The following RELN variants were observed in gnomAD, a reference collection of about 807,000 sequenced individuals.
RELN encodes reelin.
RELN carries 108 observed loss-of-function variants against 427.6 expected under a neutral mutation model. The ratio of observed to expected loss-of-function variants is 0.25; its 90% confidence interval spans 0.22 to 0.30. RELN has a LOEUF of 0.30. Ranked by LOEUF, RELN falls within the 10% of genes least tolerant of loss-of-function variation. RELN has a pLI of 1.00. For missense variants in RELN, 3,715 were observed against 4,302.8 expected, an observed-to-expected ratio of 0.86 and a Z score of 3.82; for synonymous variants, 1,524 against 1,513.4, an observed-to-expected ratio of 1.01 and a Z score of -0.16.
Position 103,870,142 on chromosome 7 carries a change from T to C in RELN, c.338-36470A>G, listed in dbSNP as rs571902676. Among the ~76,000 whole-genome samples the C allele has an allele frequency of 6.3e-4, 96 of 152,200 alleles. No individual in the cohort carries two copies. In the Middle Eastern group the frequency reaches 0.01, roughly 16 times the overall value. On this transcript the variant is annotated intron_variant, in intron 2 of 64. Transcript: ENST00000428762. The stretch of plus-strand genomic sequence containing the variant: ...CTCTATATATGCTAAACTCAGACCA[T>C]GCTTTTTTTTGTGCTTTGAACATAT...
At chr7:103,757,169 T>A (rs1791180698) in intron 4 of RELN, among the ~76,000 whole-genome samples, 1 of 152,208 alleles carries the variant, frequency 6.6e-6, no homozygotes, top group South Asian at 2.1e-4. Flanking sequence ...GAGTGAATTA[T>A]TAAGTTCTTA....
chr7:103,522,281 C>A (rs777666055), intron 47 of RELN, 82 bp from the exon 48 acceptor site: 2 of 1,339,508 alleles, frequency 1.5e-6, no homozygotes, highest in East Asian at 2.3e-5. Context: ...GAAGACTACT[C>A]TTTTCCTAGT....
chr7:103,721,932 CTT>C (rs746529468), intron 8 of RELN, among the ~76,000 whole-genome samples: 5 of 152,196 alleles, frequency 3.3e-5, no homozygotes, highest in Non-Finnish European at 5.9e-5. Context: ...AAAAATAAAA[CTT>C]TTTTTGATTA....
chr7:103,907,414 G>GAAAAAAAAAAAAAAAAAAAA (rs1795234328), intron 2 of RELN, among the ~76,000 whole-genome samples: 2 of 39,690 alleles, frequency 5.0e-5, no homozygotes, highest in Non-Finnish European at 8.4e-5. Flanking sequence ...TCAAGGCTCT[G>GAAAAAAAAAAAAAAAAAAAA]GAAAAAAAAA....
intron 24 of RELN, among the ~76,000 whole-genome samples, chr7:103,598,038 A>C (rs1417566488): frequency 6.6e-6 from 1 of 152,230 alleles, no homozygotes; most frequent in African/African-American, 2.4e-5. Flanking sequence ...GTATTACAGA[A>C]AAATGGCTCT....
chr7:103,887,400 G>C lies in RELN; in HGVS notation c.337+29675C>G, dbSNP rs114125308. ...TGTCTGCTCCTGGTACAACACACAA[G>C]ATCAAACCAAAAGATGAGTTGCAGA... On this transcript the variant is annotated intron_variant, in intron 2 of 64. Coordinates refer to ENST00000428762, the MANE Select transcript of RELN (RefSeq NM_005045.4). 1.4e-3 allele frequency among the ~76,000 whole-genome samples: 212 copies of C among 152,280 alleles called. 1 individual carries two copies. Among genetic ancestry groups the C allele is most frequent in the Non-Finnish European group, 1.2e-3 (85 of 68,018 alleles).
chr7:103,896,619 A>G (rs562866991), intron 2 of RELN, among the ~76,000 whole-genome samples: 2 of 152,170 alleles, frequency 1.3e-5, no homozygotes, highest in South Asian at 4.1e-4. Context: ...GTGACAGAGG[A>G]GAGATATGAG....
intron 41 of RELN, among the ~76,000 whole-genome samples, chr7:103,545,972 T>G (rs983745737): frequency 7.9e-5 from 12 of 151,638 alleles, no homozygotes; most frequent in Admixed American, 2.6e-4. Flanking sequence ...ATAACTAACC[T>G]TTTTTAAAAA....
chr7:103,871,916 T>C (rs556786023), intron 2 of RELN, among the ~76,000 whole-genome samples: 4 of 151,994 alleles, frequency 2.6e-5, no homozygotes, highest in African/African-American at 7.2e-5. Flanking sequence ...ATTAGAAATA[T>C]TACATTCATT....
At chr7:103,641,311 T>C (rs980619280) in intron 16 of RELN, among the ~76,000 whole-genome samples, 38 of 152,318 alleles carry the variant, frequency 2.5e-4, no homozygotes, top group African/African-American at 8.9e-4. Context: ...TATAATCTGT[T>C]GTCATTTTCT....
At chr7:103,944,344 GGAA>G (rs1303703073) in intron 1 of RELN, among the ~76,000 whole-genome samples, 1 of 151,460 alleles carries the variant, frequency 6.6e-6, no homozygotes, top group Non-Finnish European at 1.5e-5. Flanking sequence ...GCCCAGAGGA[GGAA>G]GAACACTCTG....
intron 64 of RELN, among the ~76,000 whole-genome samples, chr7:103,477,224 C>A (rs1027757269): frequency 6.6e-6 from 1 of 152,150 alleles, no homozygotes; most frequent in Admixed American, 6.5e-5. Context: ...CTTTGAATAA[C>A]TAGTGACTCT....
rs529417708 is a variant in RELN, at chr7:103,746,253, T to C, written c.656+3173A>G. 2.1e-3 allele frequency among the ~76,000 whole-genome samples: 322 copies of C among 152,328 alleles called. 1 individual carries two copies. Among genetic ancestry groups the C allele is most frequent in the African/African-American group, 7.2e-3 (298 of 41,568 alleles). On this transcript the variant is annotated intron_variant, in intron 6 of 64. Transcript: ENST00000428762. The stretch of plus-strand genomic sequence containing the variant: ...AACTGGATCCCTTCCTTACATCTTA[T>C]GCAAAAATTAATTCAAGATGGATTA...
intron 2 of RELN, among the ~76,000 whole-genome samples, chr7:103,894,967 A>G (rs1794927424): frequency 1.3e-5 from 2 of 152,118 alleles, no homozygotes; most frequent in Admixed American, 1.3e-4. Flanking sequence ...TCAACCATGT[A>G]ATCTTTACAT....
intron 2 of RELN, among the ~76,000 whole-genome samples, chr7:103,895,160 G>C (rs535355746): frequency 1.3e-5 from 2 of 152,158 alleles, no homozygotes; most frequent in South Asian, 4.1e-4. Context: ...GAAAAACAGT[G>C]TTTCTTTCCA....
chr7:103,765,343 G>C (rs1444708060), intron 4 of RELN, among the ~76,000 whole-genome samples: 1 of 152,150 alleles, frequency 6.6e-6, no homozygotes, highest in Admixed American at 6.5e-5. Context: ...GTTTGCATTA[G>C]TAAACCTGTA....
In RELN at chr7:103,989,159, G is replaced by A; in HGVS notation, c.198C>T (p.Thr66=). The change falls in exon 1 of 65, where the codon ACC becomes ACT. Residue 66 remains threonine, a synonymous_variant. Coordinates refer to ENST00000428762, the MANE Select transcript of RELN (RefSeq NM_005045.4). This position sits in a 1 kb window ranked among gnomAD's most constrained non-coding sequence, Gnocchi z 4.9. ...GGTATTCTTGTCCCGGAACGTAGTA[G>A]GTGGGGTTGCCCGCAATATGCAGGG... ...LISLHIAGNP[T]YYVPGQEYHV... 6.2e-7 allele frequency: 1 copy of A among 1,614,044 alleles called. No individual in the cohort carries two copies. Among genetic ancestry groups the A allele is most frequent in the Non-Finnish European group, 8.5e-7 (1 of 1,179,986 alleles).
At chr7:103,880,295 A>T (rs1054108073) in intron 2 of RELN, among the ~76,000 whole-genome samples, 2 of 152,168 alleles carry the variant, frequency 1.3e-5, no homozygotes, top group Non-Finnish European at 2.9e-5. Flanking sequence ...TTTAAAACAT[A>T]GAATAGAATT....
chr7:103,629,222 C>T (rs1002092792), intron 20 of RELN, among the ~76,000 whole-genome samples: 1 of 152,186 alleles, frequency 6.6e-6, no homozygotes, highest in Admixed American at 6.5e-5. Flanking sequence ...CCTGAGCCTA[C>T]TCAACACTGT....
Sources: allele counts gnomAD v4.1 joint callset (sites outside exome capture counted in the v4.1 genomes callset), GRCh38; gene constraint gnomAD v4.1.1; non-coding constraint Gnocchi (gnomAD v3.1); transcripts MANE v1.5; gene names NCBI Gene and HGNC (gene_info 2026-07-23, HGNC 2026-07-21).